GBP7: variants seen among roughly 807,000 people sequenced by gnomAD.
GBP7 encodes guanylate binding protein 7.
In GBP7, 43 loss-of-function variants were observed where a neutral mutation model predicts 61.3. The ratio of observed to expected loss-of-function variants is 0.70; its 90% confidence interval spans 0.55 to 0.91. The LOEUF (loss-of-function observed/expected upper bound fraction) is 0.91, where lower values mean the gene tolerates loss of function less well. Ranked by LOEUF, GBP7 falls within the 40% of genes least tolerant of loss-of-function variation. GBP7 has a pLI of 0.00. For synonymous variants in GBP7, 267 were observed against 271.0 expected (o/e 0.99, Z 0.14); for missense variants, 717 against 740.5 (o/e 0.97, Z 0.37).
chr1:89,169,871 A>C (rs1348734342), intron 2 of GBP7, among the ~76,000 whole-genome samples: 1 of 152,198 alleles, frequency 6.6e-6, no homozygotes. Flanking sequence ...ATCCTTCTTA[A>C]ATTTTCTTTG....
chr1:89,153,856 C>T (rs549171711), intron 3 of GBP7, among the ~76,000 whole-genome samples: 2 of 152,162 alleles, frequency 1.3e-5, no homozygotes, highest in South Asian at 2.1e-4. Flanking sequence ...TAGGTTGAAA[C>T]GAGCTGGACG....
chr1:89,154,175 CT>C (rs1292288796), intron 3 of GBP7, among the ~76,000 whole-genome samples: 1 of 152,122 alleles, frequency 6.6e-6, no homozygotes, highest in Non-Finnish European at 1.5e-5. Flanking sequence ...AACAGTCATA[CT>C]TTTGCAAATA....
intron 1 of GBP7, among the ~76,000 whole-genome samples, chr1:89,173,497 C>T (rs551582227): frequency 1.3e-5 from 2 of 152,180 alleles, no homozygotes; most frequent in Non-Finnish European, 2.9e-5. Context: ...CTAGTATATT[C>T]ATATAGTAGT....
chr1:89,158,138 A>T (rs1682358174), intron 3 of GBP7, among the ~76,000 whole-genome samples: 1 of 152,226 alleles, frequency 6.6e-6, no homozygotes, highest in Admixed American at 6.5e-5. Context: ...AGATTCAGAA[A>T]AGGCCTTGGA....
intron 5 of GBP7, among the ~76,000 whole-genome samples, chr1:89,151,570 A>C (rs1682199664): frequency 6.6e-6 from 1 of 152,216 alleles, no homozygotes; most frequent in Non-Finnish European, 1.5e-5. Context: ...ATGAACAAAG[A>C]TGGATATTGA....
chr1:89,158,622 A>G (rs1196977259), intron 3 of GBP7, among the ~76,000 whole-genome samples: 12 of 151,472 alleles, frequency 7.9e-5, no homozygotes, highest in African/African-American at 2.7e-4. Context: ...TGCTTCAAAG[A>G]GAATAAAATA....
rs770469917 is a variant in GBP7, at chr1:89,152,736, C to G, written c.360G>C (p.Val120=). ...KSDSWIFALA[V]LLSSSFVYNS... ...TGTAGACAAAGCTGCTGCTTAGAAG[C>G]ACAGCCAGGGCAAAGATCCACGAGT... Residue 120 remains valine, a synonymous_variant, in exon 4 of 11, where the codon GTG becomes GTC. Coordinates refer to ENST00000294671, the MANE Select transcript of GBP7 (RefSeq NM_207398.3). The G allele has an allele frequency of 5.5e-5, 89 of 1,611,586 alleles. No homozygotes were observed. In the Admixed American group the frequency reaches 1.5e-3, roughly 27 times the overall value.
intron 9 of GBP7, among the ~76,000 whole-genome samples, chr1:89,140,150 A>G (rs1024538859): frequency 2.0e-5 from 3 of 152,082 alleles, no homozygotes; most frequent in East Asian, 1.9e-4. Context: ...AGGGACATGG[A>G]TGAAACTGGA....
intron 8 of GBP7, among the ~76,000 whole-genome samples, chr1:89,142,081 ATTAT>A (rs748450323): frequency 6.6e-6 from 1 of 152,188 alleles, no homozygotes; most frequent in African/African-American, 2.4e-5. Context: ...TTCTAGGCTA[ATTAT>A]TTATTTATTT....
At chr1:89,163,862 T>G (rs1332046644) in intron 3 of GBP7, among the ~76,000 whole-genome samples, 1 of 150,384 alleles carries the variant, frequency 6.6e-6, no homozygotes, top group Non-Finnish European at 1.5e-5. Flanking sequence ...TTTTTTGTTT[T>G]TTGTTTGTTT....
At chr1:89,169,434 T>G (rs989736693) in intron 2 of GBP7, among the ~76,000 whole-genome samples, 1 of 152,206 alleles carries the variant, frequency 6.6e-6, no homozygotes, top group Non-Finnish European at 1.5e-5. Flanking sequence ...CAAAGAAACC[T>G]TATCTTGGTA....
rs1000606534 is a variant in GBP7 at position 89,133,525 on chromosome 1, T to C, written c.1469-74A>G. 14 of 1,267,898 alleles carry C rather than the reference T, an allele frequency of 1.1e-5. No homozygotes were observed. In the East Asian group the frequency reaches 1.6e-4, roughly 15 times the overall value. 78.5% of individuals were successfully genotyped at this position (1,267,898 alleles called of 1,614,324 possible). On this transcript the variant is annotated intron_variant, in intron 9 of 10. Transcript: ENST00000294671. ...AGAAGAACCATCATGGCTAAGTAGA[T>C]GGAGTCAGGAAGAGCTTCTCCCACT... is the stretch of plus-strand genomic sequence containing the variant.
Position 89,164,825 on chromosome 1 carries a change from G to T in GBP7, c.224C>A (p.Thr75Asn), listed in dbSNP as rs1399215383. 2 of 1,613,910 alleles carry T rather than the reference G, an allele frequency of 1.2e-6. No homozygotes were observed. Among genetic ancestry groups the T allele is most frequent in the Non-Finnish European group, 1.7e-6 (2 of 1,179,884 alleles). Residue 75 changes from threonine to asparagine, a missense_variant, in exon 3 of 11, where the codon ACC (threonine) becomes AAC (asparagine). By Grantham distance (65) the Thr-to-Asn change is moderately conservative. This residue lies in a region of GBP7 where 387 missense variants were observed against 385.2 expected (regional missense o/e 1.00). Transcript: ENST00000294671. Reference protein sequence around the residue: ...FPLGCTVKSETKGIWMWCVPH... With the variant: ...FPLGCTVKSENKGIWMWCVPH... ...CACACACCACATCCAGATGCCTTTG[G>T]TTTCAGACTTCACTGTGCAGCCCAG... is the stretch of plus-strand genomic sequence containing the variant.
chr1:89,146,759 A>G (rs1181429005), intron 8 of GBP7, among the ~76,000 whole-genome samples: 2 of 152,188 alleles, frequency 1.3e-5, no homozygotes, highest in Non-Finnish European at 2.9e-5. Flanking sequence ...CTCACACAGA[A>G]TGATGATTAT....
intron 8 of GBP7, among the ~76,000 whole-genome samples, chr1:89,147,247 G>A (rs649641): frequency 0.74 from 112,139 of 152,098 alleles, 41,621 homozygotes; most frequent in African/African-American, 0.81. Flanking sequence ...GTGTAAAATC[G>A]TAAGATTCTG....
intron 3 of GBP7, among the ~76,000 whole-genome samples, chr1:89,160,105 A>C (rs559177263): frequency 1.6e-3 from 249 of 152,296 alleles, no homozygotes; most frequent in Non-Finnish European, 3.0e-3. Context: ...GCAAACTATC[A>C]CAAGGTCAGA....
At chr1:89,154,428 C>T (rs531831566) in intron 3 of GBP7, among the ~76,000 whole-genome samples, 1 of 152,234 alleles carries the variant, frequency 6.6e-6, no homozygotes, top group South Asian at 2.1e-4. Context: ...AACACTACAA[C>T]CTCCACCTTC....
chr1:89,141,596 G>C lies in GBP7; in HGVS notation c.1418C>G (p.Ser473Cys). The C allele has an allele frequency of 1.2e-6, 2 of 1,613,888 alleles. No homozygotes were observed. Among genetic ancestry groups the C allele is most frequent in the Non-Finnish European group, 1.7e-6 (2 of 1,179,854 alleles). The change falls in exon 9 of 11, where the codon TCC becomes TGC. Residue 473 changes from serine (S) to cysteine (C), a missense_variant. Coordinates refer to ENST00000294671, the MANE Select transcript of GBP7 (RefSeq NM_207398.3). ...FLQSQVVIEESILQSDKALTA... is the reference protein window; with the variant it reads ...FLQSQVVIEECILQSDKALTA... ...GAGGGCTTTGTCTGACTGCAGGATG[G>C]ATTCCTCTATAACCACCTGTGACTG...
chr1:89,150,310 A>T lies in GBP7; in HGVS notation c.871+20T>A, dbSNP rs748730903. On this transcript the variant is annotated intron_variant, in intron 6 of 10. Transcript: ENST00000294671. ...ATACAGTAGGCCTCAGTAAACACCC[A>T]TATAGGGAAATAGACTCACGGTTTC... 1.2e-6 allele frequency: 2 copies of T among 1,609,594 alleles called. No homozygotes were observed. The highest frequency in any genetic ancestry group is 3.3e-5 in the Admixed American group (2 of 59,934).
Sources: allele counts gnomAD v4.1 joint callset (sites outside exome capture counted in the v4.1 genomes callset), GRCh38; gene constraint gnomAD v4.1.1; regional missense constraint gnomAD v4.1.1; transcripts MANE v1.5; gene names NCBI Gene and HGNC (gene_info 2026-07-23, HGNC 2026-07-21).